The following ARHGAP44 variants were observed in gnomAD, a reference collection of about 807,000 sequenced individuals.
ARHGAP44 encodes rho GTPase-activating protein 44.
A neutral mutation model predicts 106.8 loss-of-function variants in ARHGAP44; 43 were observed. The observed-to-expected ratio is 0.40, with a 90% confidence interval of 0.32 to 0.52. The LOEUF (loss-of-function observed/expected upper bound fraction) is 0.52. Ranked by LOEUF, ARHGAP44 falls within the 20% of genes least tolerant of loss-of-function variation. The pLI, the probability that ARHGAP44 is intolerant of heterozygous loss-of-function variation, is 0.48. For synonymous variants in ARHGAP44, 439 were observed against 410.3 expected, an observed-to-expected ratio of 1.07 and a Z score of -0.85; for missense variants, 866 against 1,050.5, an observed-to-expected ratio of 0.82 and a Z score of 2.43.
intron 16 of ARHGAP44, among the ~76,000 whole-genome samples, chr17:12,970,469 C>T (rs2039503775): frequency 6.6e-6 from 1 of 152,086 alleles, no homozygotes; most frequent in African/African-American, 2.4e-5. Flanking sequence ...CTGTAGGCTC[C>T]CTACCTCCTG....
At chr17:12,911,877 A>G (rs1275120694) in intron 4 of ARHGAP44, among the ~76,000 whole-genome samples, 1 of 152,224 alleles carries the variant, frequency 6.6e-6, no homozygotes, top group East Asian at 1.9e-4. Flanking sequence ...AGGAAATTAG[A>G]AGAGGTTTCT....
intron 1 of ARHGAP44, among the ~76,000 whole-genome samples, chr17:12,886,683 T>G (rs1377585184): frequency 6.6e-6 from 1 of 152,170 alleles, no homozygotes; most frequent in African/African-American, 2.4e-5. Flanking sequence ...TCTACGAATT[T>G]TTTTATAGGT....
At chr17:12,935,095 A>G (rs2038507486) in intron 7 of ARHGAP44, among the ~76,000 whole-genome samples, 1 of 152,248 alleles carries the variant, frequency 6.6e-6, no homozygotes, top group African/African-American at 2.4e-5. Flanking sequence ...AGATTCTATC[A>G]GAATAGGCAG....
At chr17:12,979,682 G>A (rs543603576) in intron 18 of ARHGAP44, among the ~76,000 whole-genome samples, 1 of 152,336 alleles carries the variant, frequency 6.6e-6, no homozygotes, top group Non-Finnish European at 1.5e-5. Flanking sequence ...AGTAGGAAAA[G>A]CACTTTGGTG....
rs532378086 is a variant in ARHGAP44, at chr17:12,960,111, ACT to A, written c.1523+1215_1523+1216del. Among the ~76,000 whole-genome samples, 43 of 152,152 alleles carry A rather than the reference ACT, an allele frequency of 2.8e-4. No homozygotes were observed. In the East Asian group the frequency reaches 7.2e-3, roughly 25 times the overall value. On this transcript the variant is annotated intron_variant, in intron 16 of 20. Coordinates refer to ENST00000379672, the MANE Select transcript of ARHGAP44 (RefSeq NM_014859.6). ...CAATGGCCAGTATCTCTTCTTTGTT[ACT>A]TCACCTATCAGAGACAATTTGTATG...
chr17:12,865,053 A>C (rs1221674299), intron 1 of ARHGAP44, among the ~76,000 whole-genome samples: 1 of 152,330 alleles, frequency 6.6e-6, no homozygotes, highest in East Asian at 1.9e-4. Flanking sequence ...GTTAAATAAA[A>C]GTAGAAGAAA....
At chr17:12,980,001 G>T (rs2039790252) in intron 18 of ARHGAP44, 57 bp from the exon 19 acceptor site, 11 of 1,514,692 alleles carry the variant, frequency 7.3e-6, no homozygotes, top group Non-Finnish European at 9.7e-6. Context: ...GGCAAGGCTG[G>T]TGCTGCCGCT....
At chr17:12,885,380 G>C (rs929911878) in intron 1 of ARHGAP44, among the ~76,000 whole-genome samples, 5 of 148,194 alleles carry the variant, frequency 3.4e-5, no homozygotes, top group African/African-American at 1.3e-4. Flanking sequence ...CTCTAGAGTG[G>C]CTCTGCTGGG....
At chr17:12,811,327 A>G (rs982778591) in intron 1 of ARHGAP44, among the ~76,000 whole-genome samples, 1 of 151,890 alleles carries the variant, frequency 6.6e-6, no homozygotes, top group African/African-American at 2.4e-5. Context: ...AAAAAAAAAA[A>G]AATCGTAAGA....
At chr17:12,845,242 G>C (rs997685432) in intron 1 of ARHGAP44, among the ~76,000 whole-genome samples, 1 of 152,022 alleles carries the variant, frequency 6.6e-6, no homozygotes, top group African/African-American at 2.4e-5. Context: ...GGGTGCGGTG[G>C]CTCACGTTTA....
chr17:12,869,435 A>AT lies in ARHGAP44; in HGVS notation c.54-25495dup, dbSNP rs11294685. 2.6e-3 allele frequency among the ~76,000 whole-genome samples: 398 copies of AT among 151,764 alleles called. 1 individual carries two copies. Among genetic ancestry groups the AT allele is most frequent in the African/African-American group, 8.9e-3 (368 of 41,362 alleles). On this transcript the variant is annotated intron_variant, in intron 1 of 20. Coordinates refer to ENST00000379672, the MANE Select transcript of ARHGAP44 (RefSeq NM_014859.6). ...ATCTTCACTATTTTGTCATTTTTAA[A>AT]TTTTTTTTTTATTTTTACAACTGGA...
At chr17:12,813,716 C>T (rs2067464177) in intron 1 of ARHGAP44, among the ~76,000 whole-genome samples, 1 of 152,094 alleles carries the variant, frequency 6.6e-6, no homozygotes, top group Non-Finnish European at 1.5e-5. Flanking sequence ...GAGAGTGTAT[C>T]TTTCAGATTC....
At chr17:12,939,641 A>G (rs1567698210) in intron 7 of ARHGAP44, among the ~76,000 whole-genome samples, 3 of 151,628 alleles carry the variant, frequency 2.0e-5, no homozygotes, top group Admixed American at 1.3e-4. Context: ...AATTTTTTGT[A>G]TTTTTTAGTA....
At chr17:12,975,926 G>T (rs1478564556) in intron 18 of ARHGAP44, among the ~76,000 whole-genome samples, 1 of 152,098 alleles carries the variant, frequency 6.6e-6, no homozygotes, top group Non-Finnish European at 1.5e-5. Flanking sequence ...TGGCAGGGGA[G>T]GAGACAGTAC....
At chr17:12,931,841 TACACACACACAC>T (rs10522083) in intron 7 of ARHGAP44, among the ~76,000 whole-genome samples, 61 of 146,398 alleles carry the variant, frequency 4.2e-4, no homozygotes, top group African/African-American at 1.2e-3. Context: ...ACAGTAGGGA[TACACACACACAC>T]ACACACACAC....
intron 10 of ARHGAP44, among the ~76,000 whole-genome samples, chr17:12,945,027 T>G (rs989819695): frequency 2.6e-5 from 4 of 152,018 alleles, no homozygotes; most frequent in African/African-American, 7.3e-5. Context: ...TTTTTTCTTT[T>G]TGAGATGGAG....
intron 1 of ARHGAP44, among the ~76,000 whole-genome samples, chr17:12,888,483 G>C (rs2036946764): frequency 6.6e-6 from 1 of 152,076 alleles, no homozygotes; most frequent in Non-Finnish European, 1.5e-5. Flanking sequence ...CAAATTAGTT[G>C]AGGTTTGTTT....
chr17:12,960,779 G>T (rs1598122071), intron 16 of ARHGAP44, among the ~76,000 whole-genome samples: 1 of 152,102 alleles, frequency 6.6e-6, no homozygotes, highest in East Asian at 2.0e-4. Context: ...GGCCAGGCTG[G>T]TCTCGAACTC....
intron 3 of ARHGAP44, among the ~76,000 whole-genome samples, chr17:12,899,906 A>T (rs2037324930): frequency 6.6e-6 from 1 of 152,172 alleles, no homozygotes; most frequent in South Asian, 2.1e-4. Context: ...CATGTGTTCC[A>T]ACTCCTGAAC....
Sources: allele counts gnomAD v4.1 joint callset (sites outside exome capture counted in the v4.1 genomes callset), GRCh38; gene constraint gnomAD v4.1.1; transcripts MANE v1.5; gene names NCBI Gene and HGNC (gene_info 2026-07-23, HGNC 2026-07-21).